The following KLHL2 variants were observed in gnomAD, a reference collection of about 807,000 sequenced individuals.
KLHL2 encodes kelch like family member 2.
A neutral mutation model predicts 75.8 loss-of-function variants in KLHL2; 15 were observed. The ratio of observed to expected loss-of-function variants is 0.20; its 90% CI spans 0.13 to 0.30. The LOEUF is 0.30. Ranked by LOEUF, KLHL2 falls within the 10% of genes least tolerant of loss-of-function variation. KLHL2 has a pLI of 1.00. For synonymous variants in KLHL2, 214 were observed against 251.9 expected, an observed-to-expected ratio of 0.85 and a Z score of 1.42; for missense variants, 381 against 741.0, an observed-to-expected ratio of 0.51 and a Z score of 5.64.
At chr4:165,217,867 G>A (rs1467183998) in intron 1 of KLHL2, among the ~76,000 whole-genome samples, 3 of 152,068 alleles carry the variant, frequency 2.0e-5, no homozygotes, top group Non-Finnish European at 4.4e-5. Context: ...AAACCATTAG[G>A]TATAAAAACA....
intron 4 of KLHL2, among the ~76,000 whole-genome samples, chr4:165,256,014 A>G (rs1450813363): frequency 3.3e-5 from 5 of 152,034 alleles, no homozygotes; most frequent in Non-Finnish European, 7.4e-5. Context: ...ACAGATCCTA[A>G]TAGCCAAGCA....
At chr4:165,262,636 T>TG (rs1047777763) in intron 4 of KLHL2, among the ~76,000 whole-genome samples, 87 of 152,314 alleles carry the variant, frequency 5.7e-4, no homozygotes, top group African/African-American at 2.1e-3. Context: ...TGGAGTGCTG[T>TG]GGGGTGATCA....
chr4:165,288,439 A>G (rs926485436), intron 5 of KLHL2, among the ~76,000 whole-genome samples: 7 of 152,146 alleles, frequency 4.6e-5, no homozygotes, highest in African/African-American at 1.7e-4. Flanking sequence ...GTTTTCTTGC[A>G]TGGAGAGGAT....
chr4:165,285,441 TTGTTCC>T (rs201198942), intron 5 of KLHL2, among the ~76,000 whole-genome samples: 2,714 of 152,302 alleles, frequency 0.018, 73 homozygotes, highest in African/African-American at 0.06. Flanking sequence ...AGTTTCGTTC[TTGTTCC>T]CTAGGCTAGA....
intron 5 of KLHL2, among the ~76,000 whole-genome samples, chr4:165,271,829 A>T (rs56287687): frequency 0.22 from 33,016 of 152,082 alleles, 4,087 homozygotes; most frequent in Non-Finnish European, 0.29. Flanking sequence ...CTGCTCCTTT[A>T]ATAGGCTCTA....
chr4:165,212,515 T>C (rs1319578510), intron 1 of KLHL2, among the ~76,000 whole-genome samples: 2 of 152,216 alleles, frequency 1.3e-5, no homozygotes, highest in Non-Finnish European at 2.9e-5. Context: ...AAAATATTCC[T>C]TTGACCAGTT....
intron 5 of KLHL2, among the ~76,000 whole-genome samples, chr4:165,276,237 G>C (rs759487604): frequency 1.3e-5 from 2 of 152,142 alleles, no homozygotes; most frequent in African/African-American, 4.8e-5. Context: ...AGGCCCCGGC[G>C]GTAGTAACTA....
Position 165,254,500 on chromosome 4 carries a change from C to T in KLHL2, c.382-8697C>T, listed in dbSNP as rs372934839. Among the ~76,000 whole-genome samples, 34 of 152,114 alleles carry T rather than the reference C, an allele frequency of 2.2e-4. No homozygotes were observed. The East Asian group carries it at 6.6e-3, about 29-fold the overall frequency. ...TAATTTTAGGGTCAAATGTTTTAAA[C>T]GTTTATATTTTTTGGTATCTATTGA... On this transcript the variant is annotated intron_variant, in intron 4 of 14. Coordinates refer to ENST00000226725, the MANE Select transcript of KLHL2 (RefSeq NM_007246.4).
intron 6 of KLHL2, among the ~76,000 whole-genome samples, chr4:165,296,696 G>T (rs372456777): frequency 9.9e-5 from 15 of 152,140 alleles, no homozygotes; most frequent in Non-Finnish European, 1.6e-4. Flanking sequence ...ATAGAAGCAG[G>T]GGGGAGAGAA....
Position 165,319,263 on chromosome 4 carries a change from C to G in KLHL2, c.1753+1294C>G, listed in dbSNP as rs1746799998. Among the ~76,000 whole-genome samples the G allele has an allele frequency of 6.6e-6, 1 of 152,210 alleles. No individual in the cohort carries two copies. Among genetic ancestry groups the G allele is most frequent in the African/African-American group, 2.4e-5 (1 of 41,456 alleles). ...TGCGTATCTCAGTAAAAAGTTCTCTCTCATGGTTCTGCCTTATTTTTCATC... is the reference window on the plus strand; with the variant it reads ...TGCGTATCTCAGTAAAAAGTTCTCTGTCATGGTTCTGCCTTATTTTTCATC... On this transcript the variant is annotated intron_variant, in intron 14 of 14. Coordinates refer to ENST00000226725, the MANE Select transcript of KLHL2 (RefSeq NM_007246.4). The surrounding 1 kb of genome is among the most constrained non-coding windows in gnomAD (Gnocchi z 4.5).
chr4:165,239,864 G>A (rs1195971997), intron 4 of KLHL2, among the ~76,000 whole-genome samples: 2 of 152,006 alleles, frequency 1.3e-5, no homozygotes, highest in Non-Finnish European at 2.9e-5. Flanking sequence ...TCACACAAAC[G>A]TACACACAAT....
chr4:165,272,705 C>A (rs1307283467), intron 5 of KLHL2, among the ~76,000 whole-genome samples: 2 of 151,812 alleles, frequency 1.3e-5, no homozygotes, highest in Non-Finnish European at 2.9e-5. Flanking sequence ...TCAGAAGCAA[C>A]TCATTTACTG....
intron 4 of KLHL2, among the ~76,000 whole-genome samples, chr4:165,245,398 T>G (rs1252299442): frequency 6.6e-6 from 1 of 152,126 alleles, no homozygotes; most frequent in Non-Finnish European, 1.5e-5. Flanking sequence ...AGAGCTGCCC[T>G]GGGTGAACAC....
chr4:165,316,448 T>G (rs1746594772), intron 13 of KLHL2, among the ~76,000 whole-genome samples: 2 of 152,204 alleles, frequency 1.3e-5, no homozygotes, highest in Admixed American at 1.3e-4. Flanking sequence ...TTTGAACAAC[T>G]TTAAAATGGT....
chr4:165,207,972 C>T lies in KLHL2; in HGVS notation c.26+70C>T. The T allele has an allele frequency of 2.5e-6, 3 of 1,197,192 alleles. No homozygotes were observed. Among genetic ancestry groups the T allele is most frequent in the Non-Finnish European group, 3.2e-6 (3 of 949,428 alleles). 74.2% of individuals were successfully genotyped at this position (1,197,192 alleles called of 1,614,324 possible). On this transcript the variant is annotated intron_variant, in intron 1 of 14. Transcript: ENST00000226725. The surrounding 1 kb of genome is among the most constrained non-coding windows in gnomAD (Gnocchi z 4.2). ...CCGCTGCGGCGCGTGTCGCCGGCCGCGGGCGCAGCTCTGGGGACAGCCGCC... is the reference window on the plus strand; with the variant it reads ...CCGCTGCGGCGCGTGTCGCCGGCCGTGGGCGCAGCTCTGGGGACAGCCGCC...
rs1350163103 is a variant in KLHL2 at position 165,311,449 on chromosome 4, T to C, written c.1238-15T>C. 2 of 1,558,894 alleles carry C rather than the reference T, an allele frequency of 1.3e-6. No homozygotes were observed. Among genetic ancestry groups the C allele is most frequent in the African/African-American group, 2.7e-5 (2 of 73,720 alleles). On this transcript the variant is annotated splice_polypyrimidine_tract_variant and intron_variant, in intron 10 of 14. Transcript: ENST00000226725. ...TTTTAGAGAAGGAAATGAAGACTAT[T>C]GTGCTTTATTATAGGTTTGTCATCT...
chr4:165,229,088 G>T (rs956352553), intron 3 of KLHL2, among the ~76,000 whole-genome samples, 175 bp downstream of exon 3: 1 of 152,028 alleles, frequency 6.6e-6, no homozygotes, highest in Non-Finnish European at 1.5e-5. Flanking sequence ...CATTGTTGGA[G>T]GTCAGTAAGC....
intron 5 of KLHL2, among the ~76,000 whole-genome samples, chr4:165,288,854 A>T (rs867150063): frequency 2.3e-4 from 33 of 143,308 alleles, no homozygotes; most frequent in Middle Eastern, 3.5e-3. Flanking sequence ...TTTAACTTTG[A>T]TCCTCATGGT....
chr4:165,216,022 T>A (rs1737515992), intron 1 of KLHL2, among the ~76,000 whole-genome samples: 1 of 152,140 alleles, frequency 6.6e-6, no homozygotes, highest in Non-Finnish European at 1.5e-5. Context: ...CTGAAAACCA[T>A]TGTTTCAAAG....
Sources: allele counts gnomAD v4.1 joint callset (sites outside exome capture counted in the v4.1 genomes callset), GRCh38; gene constraint gnomAD v4.1.1; non-coding constraint Gnocchi (gnomAD v3.1); transcripts MANE v1.5; gene names NCBI Gene and HGNC (gene_info 2026-07-23, HGNC 2026-07-21).